The following TBC1D20 variants were observed in gnomAD, a reference collection of about 807,000 sequenced individuals.
TBC1D20 encodes the protein chromosome 20 open reading frame 140.
Under a neutral mutation model 41.6 loss-of-function variants are expected in TBC1D20, and 12 were observed. The ratio of observed to expected loss-of-function variants is 0.29; its 90% confidence interval spans 0.18 to 0.47. TBC1D20 has a LOEUF of 0.47. Ranked by LOEUF, TBC1D20 falls within the 20% of genes least tolerant of loss-of-function variation. The pLI, the probability that TBC1D20 is intolerant of heterozygous loss-of-function variation, is 1.00. For synonymous variants in TBC1D20, 205 were observed against 204.8 expected, an observed-to-expected ratio of 1.00 and a Z score of -0.01; for missense variants, 421 against 517.4, an observed-to-expected ratio of 0.81 and a Z score of 1.81.
chr20:462,454 G>A lies in TBC1D20; in HGVS notation c.-49C>T, dbSNP rs1338703477. ...CCGAGCCCCGGCTGGTGGCGGAGCC[G>A]GGAGAAGACGCGGCTCCGACCGCGG... is the stretch of plus-strand genomic sequence containing the variant. On this transcript the variant is annotated 5_prime_UTR_variant, in exon 1 of 8. Transcript: ENST00000354200. 35 of 1,106,432 alleles carry A rather than the reference G, an allele frequency of 3.2e-5. No homozygotes were observed. The highest frequency in any genetic ancestry group is 2.5e-4 in the African/African-American group (15 of 60,340). The allele number at this position is 1,106,432 out of a possible 1,614,324, so 68.5% of individuals were successfully genotyped here.
chr20:460,073 T>C (rs2017602937), intron 1 of TBC1D20, among the ~76,000 whole-genome samples: 2 of 152,180 alleles, frequency 1.3e-5, no homozygotes, highest in Non-Finnish European at 2.9e-5. Flanking sequence ...CTAATTTATA[T>C]AATGGAATCT....
rs981759643 is a variant in TBC1D20, at chr20:462,479, G to T, written c.-74C>A. 51 of 922,332 alleles carry T rather than the reference G, an allele frequency of 5.5e-5. No individual in the cohort carries two copies. Among genetic ancestry groups the T allele is most frequent in the Non-Finnish European group, 6.9e-5 (50 of 719,764 alleles). The allele number at this position is 922,332 out of a possible 1,614,324, so 57.1% of individuals were successfully genotyped here. ...GGGAGAAGACGCGGCTCCGACCGCG[G>T]GACGTAGCACCCGCTCGGCATCGGC... On this transcript the variant is annotated 5_prime_UTR_variant, in exon 1 of 8. Transcript: ENST00000354200.
At chr20:452,256 A>G (rs189934714) in intron 1 of TBC1D20, among the ~76,000 whole-genome samples, 2 of 152,304 alleles carry the variant, frequency 1.3e-5, no homozygotes, top group Admixed American at 6.5e-5. Flanking sequence ...GGAGTGAGCC[A>G]AGATCGCACA....
intron 2 of TBC1D20, 44 bp from the exon 3 acceptor site, chr20:445,174 C>G (rs2017309581): frequency 6.7e-7 from 1 of 1,490,028 alleles, no homozygotes; most frequent in South Asian, 1.2e-5. Context: ...GCCTGAGAAG[C>G]CAGACCAGAA....
intron 1 of TBC1D20, among the ~76,000 whole-genome samples, chr20:461,349 C>CAA (rs2017625813): frequency 6.6e-6 from 1 of 152,144 alleles, no homozygotes; most frequent in Non-Finnish European, 1.5e-5. Flanking sequence ...AATAGAAGCG[C>CAA]TTTTTATACA....
At chr20:443,820 G>C (rs1371312101) in intron 3 of TBC1D20, among the ~76,000 whole-genome samples, 1 of 152,134 alleles carries the variant, frequency 6.6e-6, no homozygotes, top group Non-Finnish European at 1.5e-5. Context: ...AAAGGGTTCA[G>C]AGGGAAAACA....
Position 439,557 on chromosome 20 carries a change from G to A in TBC1D20, c.769-262C>T, listed in dbSNP as rs2017187017. 6.6e-6 allele frequency among the ~76,000 whole-genome samples: 1 copy of A among 152,192 alleles called. No individual in the cohort carries two copies. The highest frequency in any genetic ancestry group is 1.5e-5 in the Non-Finnish European group (1 of 68,038). ...ACAATCTAAGTCCTTCGGGCATGCT[G>A]GGCTGCTCAGGTGTCCCTTTAAGTC... is the stretch of plus-strand genomic sequence containing the variant. On this transcript the variant is annotated intron_variant, in intron 6 of 7. Coordinates refer to ENST00000354200, the MANE Select transcript of TBC1D20 (RefSeq NM_144628.4). This position sits in a 1 kb window ranked among gnomAD's most constrained non-coding sequence, Gnocchi z 4.6.
Position 462,325 on chromosome 20 carries a change from G to C in TBC1D20, c.70+11C>G. 7.7e-7 allele frequency: 1 copy of C among 1,291,576 alleles called. No homozygotes were observed. The highest frequency in any genetic ancestry group is 9.9e-7 in the Non-Finnish European group (1 of 1,011,094). The allele number at this position is 1,291,576 out of a possible 1,614,324, so 80.0% of individuals were successfully genotyped here. A position where few individuals can be genotyped will look rare whatever the true frequency, so the allele number is the denominator to read the frequency against. On this transcript the variant is annotated intron_variant, in intron 1 of 7. Transcript: ENST00000354200. Reference sequence around the variant, plus strand: ...GCAGGCCGCTCCCGGCGCCCCGGTCGGCTTCCGTACCTGCCTTCTCCGCGC... The same window carrying C: ...GCAGGCCGCTCCCGGCGCCCCGGTCCGCTTCCGTACCTGCCTTCTCCGCGC...
At chr20:444,589 A>G (rs2017297566) in intron 3 of TBC1D20, among the ~76,000 whole-genome samples, 1 of 151,946 alleles carries the variant, frequency 6.6e-6, no homozygotes, top group Non-Finnish European at 1.5e-5. Flanking sequence ...TTATTTTTTT[A>G]TCTATTGCTG....
chr20:443,731 G>A (rs2017279993), intron 3 of TBC1D20, among the ~76,000 whole-genome samples: 1 of 151,978 alleles, frequency 6.6e-6, no homozygotes, highest in Non-Finnish European at 1.5e-5. Flanking sequence ...GACCATGAAT[G>A]GAAAAAGAAT....
At chr20:453,332 G>T (rs2017482736) in intron 1 of TBC1D20, among the ~76,000 whole-genome samples, 1 of 150,654 alleles carries the variant, frequency 6.6e-6, no homozygotes, top group Non-Finnish European at 1.5e-5. Flanking sequence ...AAATTAGCCG[G>T]GCGTGGCGGC....
intron 5 of TBC1D20, 65 bp from the exon 6 acceptor site, chr20:440,454 A>C (rs2017207176): frequency 6.3e-7 from 1 of 1,576,496 alleles, no homozygotes; most frequent in Admixed American, 1.9e-5. Flanking sequence ...TCTGGGCCTT[A>C]TAGCGCTGGT....
intron 6 of TBC1D20, among the ~76,000 whole-genome samples, 179 bp downstream of exon 6, chr20:440,065 AACTT>A (rs1263262623): frequency 1.3e-5 from 2 of 152,158 alleles, no homozygotes; most frequent in Non-Finnish European, 2.9e-5. Flanking sequence ...AGCATTTCCC[AACTT>A]ACTATTTTTT....
chr20:445,074 G>A lies in TBC1D20; in HGVS notation c.313C>T (p.Arg105Trp), dbSNP rs1419547621. ...DYQQVLLDVR[R>W]SLRRFPPGMP... The stretch of plus-strand genomic sequence containing the variant: ...CCAGGAGGGAACCGCCGCAATGACC[G>A]CCGGACGTCCAGCAACACTTGTTGG... Residue 105 changes from arginine to tryptophan, a missense_variant, in exon 3 of 8, where the codon CGG becomes TGG. By Grantham distance (101) the Arg-to-Trp change is moderately radical. This residue lies in a region of TBC1D20 where 150 missense variants were observed against 151.3 expected (regional missense o/e 0.99). Coordinates refer to ENST00000354200, the MANE Select transcript of TBC1D20 (RefSeq NM_144628.4). The A allele has an allele frequency of 1.9e-6, 3 of 1,605,438 alleles. No individual in the cohort carries two copies. Among genetic ancestry groups the A allele is most frequent in the South Asian group, 2.2e-5 (2 of 89,772 alleles).
chr20:441,818 G>A (rs1234750210), intron 4 of TBC1D20, 39 bp downstream of exon 4: 2 of 1,602,948 alleles, frequency 1.2e-6, no homozygotes, highest in Admixed American at 1.7e-5. Flanking sequence ...GACGGCTGAG[G>A]AGTGATGCCC....
Position 462,419 on chromosome 20 carries a change from G to T in TBC1D20, c.-14C>A. On this transcript the variant is annotated 5_prime_UTR_variant, in exon 1 of 8. Transcript: ENST00000354200. Reference sequence around the variant, plus strand: ...CCGGAGGGCCATGCCCCGGGGCCCCGGGCCCCCACCCGAGCCCCGGCTGGT... The same window carrying T: ...CCGGAGGGCCATGCCCCGGGGCCCCTGGCCCCCACCCGAGCCCCGGCTGGT... The T allele has an allele frequency of 1.6e-6, 2 of 1,215,680 alleles. No individual in the cohort carries two copies. The highest frequency in any genetic ancestry group is 1.0e-6 in the Non-Finnish European group (1 of 970,576). 75.3% of individuals were successfully genotyped at this position (1,215,680 alleles called of 1,614,324 possible).
chr20:453,225 C>T (rs1164592846), intron 1 of TBC1D20, among the ~76,000 whole-genome samples: 1 of 141,250 alleles, frequency 7.1e-6, no homozygotes, highest in Admixed American at 7.4e-5. Flanking sequence ...GTAATCCTCG[C>T]ACTTTGGGAG....
chr20:438,484 C>G lies in TBC1D20; in HGVS notation c.*102G>C. The G allele has an allele frequency of 7.1e-7, 1 of 1,403,550 alleles. No individual in the cohort carries two copies. Among genetic ancestry groups the G allele is most frequent in the Non-Finnish European group, 9.7e-7 (1 of 1,034,868 alleles). The allele number at this position is 1,403,550 out of a possible 1,614,324, so 86.9% of individuals were successfully genotyped here. ...GGCAGGGTGGCAGGAATAAAAAACT[C>G]TGGACAGAAACCCTTTTAATAAAGG... On this transcript the variant is annotated 3_prime_UTR_variant, in exon 8 of 8. Transcript: ENST00000354200.
Position 439,345 on chromosome 20 carries a change from C to CT in TBC1D20, c.769-51dup. On this transcript the variant is annotated intron_variant, in intron 6 of 7. Transcript: ENST00000354200. The surrounding 1 kb of genome is among the most constrained non-coding windows in gnomAD (Gnocchi z 4.6). ...CAGTCAGAGGCCAGACACACAGGGC[C>CT]TGGGCCACCTGCACTCCATTATCCT... The CT allele has an allele frequency of 7.2e-7, 1 of 1,395,976 alleles. No individual in the cohort carries two copies. The highest frequency in any genetic ancestry group is 9.9e-7 in the Non-Finnish European group (1 of 1,011,436). 86.5% of individuals were successfully genotyped at this position (1,395,976 alleles called of 1,614,324 possible). A position where few individuals can be genotyped will look rare whatever the true frequency, so the allele number is the denominator to read the frequency against.
Sources: gnomAD v4.1 joint callset for allele counts (sites outside exome capture counted in the v4.1 genomes callset) on GRCh38, gnomAD v4.1.1 for gene constraint, gnomAD v4.1.1 regional missense constraint, Gnocchi (gnomAD v3.1) non-coding constraint, MANE v1.5 for transcripts, NCBI Gene and HGNC (gene_info 2026-07-23, HGNC 2026-07-21) for gene names.